C12orf56: variants seen among roughly 807,000 people sequenced by gnomAD.
The protein encoded by C12orf56 is chromosome 12 open reading frame 56, also known as uncharacterized protein C12orf56.
A neutral mutation model predicts 69.9 loss-of-function variants in C12orf56; 71 were observed. That is an observed-to-expected ratio of 1.02 (90% CI 0.84 to 1.24). The LOEUF is 1.24. Ranked by LOEUF, C12orf56 falls within the 50% of genes most tolerant of loss-of-function variation. C12orf56 has a pLI of 0.00. For synonymous variants in C12orf56, 276 were observed against 274.1 expected (o/e 1.01, Z -0.07); for missense variants, 732 against 738.5 (o/e 0.99, Z 0.10).
intron 3 of C12orf56, among the ~76,000 whole-genome samples, chr12:64,319,240 A>G (rs1195683622): frequency 2.6e-5 from 4 of 152,240 alleles, no homozygotes; most frequent in African/African-American, 7.2e-5. Flanking sequence ...GAAGCACTGT[A>G]TATATTGAAA....
At chr12:64,310,962 T>C (rs547690544) in intron 5 of C12orf56, among the ~76,000 whole-genome samples, 45 of 149,820 alleles carry the variant, frequency 3.0e-4, no homozygotes, top group African/African-American at 1.1e-3. Context: ...AGTGAGAACA[T>C]GTAGTGTTTG....
chr12:64,323,368 T>G (rs11831579), intron 3 of C12orf56, among the ~76,000 whole-genome samples: 4,692 of 152,312 alleles, frequency 0.031, 239 homozygotes, highest in African/African-American at 0.11. Flanking sequence ...CAGATTAGAC[T>G]GACAGAGAGA....
rs1283488300 is a variant in C12orf56 at position 64,275,028 on chromosome 12, A to G, written c.1510-53T>C. On this transcript the variant is annotated intron_variant, in intron 10 of 12. Transcript: ENST00000543942. ...TATATTCATAAAGTTCAAGTAGTATATAAAAGGATACTCATTCTTAAATAC... is the reference window on the plus strand; with the variant it reads ...TATATTCATAAAGTTCAAGTAGTATGTAAAAGGATACTCATTCTTAAATAC... The G allele has an allele frequency of 4.2e-6, 6 of 1,422,500 alleles. No individual in the cohort carries two copies. The East Asian group carries it at 9.2e-5, about 22-fold the overall frequency. 88.1% of individuals were successfully genotyped at this position (1,422,500 alleles called of 1,614,324 possible). A position where few individuals can be genotyped will look rare whatever the true frequency, so the allele number is the denominator to read the frequency against.
chr12:64,346,225 A>G (rs2039139141), intron 2 of C12orf56, among the ~76,000 whole-genome samples: 1 of 152,192 alleles, frequency 6.6e-6, no homozygotes, highest in South Asian at 2.1e-4. Flanking sequence ...GACCGAGTTC[A>G]AAACTGAAGA....
intron 11 of C12orf56, among the ~76,000 whole-genome samples, chr12:64,273,580 G>A (rs377594915): frequency 5.5e-4 from 84 of 152,324 alleles, no homozygotes; most frequent in African/African-American, 1.9e-3. Flanking sequence ...AGTCGTGATG[G>A]ACTAGATTAT....
chr12:64,388,393 T>C (rs1267015112), intron 1 of C12orf56, among the ~76,000 whole-genome samples: 2 of 152,160 alleles, frequency 1.3e-5, no homozygotes, highest in Non-Finnish European at 2.9e-5. Context: ...ACCACCGGCA[T>C]GCACCACCAT....
intron 5 of C12orf56, among the ~76,000 whole-genome samples, chr12:64,308,477 A>T (rs2038545960): frequency 6.6e-6 from 1 of 150,506 alleles, no homozygotes; most frequent in South Asian, 2.1e-4. Context: ...TCTATATCAC[A>T]TCATCAAGCA....
At chr12:64,382,877 A>AG (rs1339668546) in intron 1 of C12orf56, among the ~76,000 whole-genome samples, 1 of 151,608 alleles carries the variant, frequency 6.6e-6, no homozygotes, top group Non-Finnish European at 1.5e-5. Context: ...TTTCAAAAAA[A>AG]AAAAAAAAAA....
chr12:64,315,305 CG>C (rs1173814357), intron 4 of C12orf56, among the ~76,000 whole-genome samples: 3 of 77,486 alleles, frequency 3.9e-5, no homozygotes, highest in East Asian at 4.9e-4. Flanking sequence ...CATTGTTCTA[CG>C]TTTTTTTTTT....
At chr12:64,338,556 T>C in intron 2 of C12orf56, 1 of 1,486,990 alleles carries the variant, frequency 6.7e-7, no homozygotes, top group Admixed American at 1.7e-5. Flanking sequence ...ACTTTGAGTC[T>C]TGCTTGATTC....
chr12:64,380,834 G>T (rs1363867281), intron 1 of C12orf56, among the ~76,000 whole-genome samples: 1 of 152,128 alleles, frequency 6.6e-6, no homozygotes, highest in African/African-American at 2.4e-5. Flanking sequence ...GAGACAGCAG[G>T]GTTAAATCAT....
intron 3 of C12orf56, among the ~76,000 whole-genome samples, chr12:64,323,490 C>T (rs963032124): frequency 1.3e-5 from 2 of 151,700 alleles, no homozygotes; most frequent in African/African-American, 4.9e-5. Flanking sequence ...CTTTTTAAAC[C>T]TAAAATGCAT....
chr12:64,379,051 C>CAA (rs59633826), intron 1 of C12orf56, among the ~76,000 whole-genome samples: 11 of 121,508 alleles, frequency 9.1e-5, no homozygotes, highest in Non-Finnish European at 1.1e-4. Context: ...AACCCTGTCT[C>CAA]AAAAAAAAAA....
intron 2 of C12orf56, among the ~76,000 whole-genome samples, chr12:64,337,343 C>T (rs2039010002): frequency 6.6e-6 from 1 of 152,184 alleles, no homozygotes; most frequent in South Asian, 2.1e-4. Context: ...GTTAAGGGCT[C>T]AGTCCCACAA....
intron 8 of C12orf56, among the ~76,000 whole-genome samples, chr12:64,282,542 A>AG (rs60390414): frequency 0.95 from 143,923 of 152,052 alleles, 68,596 homozygotes; most frequent in East Asian, 1. Flanking sequence ...TGGGGGTAAG[A>AG]GGGGGCAGAT....
At chr12:64,341,917 T>C (rs893727428) in intron 2 of C12orf56, among the ~76,000 whole-genome samples, 3 of 151,986 alleles carry the variant, frequency 2.0e-5, no homozygotes, top group Non-Finnish European at 4.4e-5. Context: ...ATGCATAACC[T>C]CCATCCCTGC....
chr12:64,280,189 C>T, intron 8 of C12orf56, among the ~76,000 whole-genome samples: 1 of 152,074 alleles, frequency 6.6e-6, no homozygotes, highest in South Asian at 2.1e-4. Context: ...TGAAATCCAC[C>T]CCTTCTGCTA....
intron 12 of C12orf56, among the ~76,000 whole-genome samples, chr12:64,269,378 C>G (rs1303603394): frequency 1.3e-5 from 2 of 152,030 alleles, no homozygotes; most frequent in Non-Finnish European, 2.9e-5. Flanking sequence ...AGAAATGGAA[C>G]CCCTGAGGTG....
rs543447085 is a variant in C12orf56 at position 64,370,135 on chromosome 12, A to G, written c.253-17079T>C. On this transcript the variant is annotated intron_variant, in intron 1 of 12. Coordinates refer to ENST00000543942, the MANE Select transcript of C12orf56 (RefSeq NM_001170633.2). Reference sequence around the variant, plus strand: ...AGAGGCAAGTGGATCACTTGAGGTCAGTAGTTTCAGACCAGCCTGGCCAAC... The same window carrying G: ...AGAGGCAAGTGGATCACTTGAGGTCGGTAGTTTCAGACCAGCCTGGCCAAC... Among the ~76,000 whole-genome samples the G allele has an allele frequency of 2.6e-4, 39 of 152,108 alleles. No individual in the cohort carries two copies. The South Asian group carries it at 7.7e-3, about 30-fold the overall frequency.
Sources: gnomAD v4.1 joint callset for allele counts (sites outside exome capture counted in the v4.1 genomes callset) on GRCh38, gnomAD v4.1.1 for gene constraint, MANE v1.5 for transcripts, NCBI Gene and HGNC (gene_info 2026-07-23, HGNC 2026-07-21) for gene names.